Variants in GPD2 observed in about 807,000 individuals in gnomAD.
GPD2 encodes glycerol-3-phosphate dehydrogenase 2, also known as glycerol-3-phosphate dehydrogenase, mitochondrial.
A neutral mutation model predicts 82.4 loss-of-function variants in GPD2; 54 were observed. The observed-to-expected ratio is 0.66, with a 90% CI of 0.53 to 0.82. GPD2 has a LOEUF of 0.82. GPD2 is among the 40% of genes least tolerant of loss of function. The probability of loss-of-function intolerance (pLI) is 0.00; values close to 1 mark genes in which losing one functional copy is unlikely to be tolerated. For synonymous variants in GPD2, 288 were observed against 306.1 expected (o/e 0.94, Z 0.62); for missense variants, 748 against 896.2 (o/e 0.83, Z 2.11).
At chr2:156,456,552 C>T (rs939657605) in intron 1 of GPD2, among the ~76,000 whole-genome samples, 3 of 151,660 alleles carry the variant, frequency 2.0e-5, no homozygotes, top group Non-Finnish European at 4.4e-5. Context: ...GCAGAGATCA[C>T]ACCACTGCGC....
At chr2:156,463,416 A>G (rs6728547) in intron 1 of GPD2, among the ~76,000 whole-genome samples, 2,999 of 152,312 alleles carry the variant, frequency 0.02, 90 homozygotes, top group African/African-American at 0.067. Flanking sequence ...AAAACCATGA[A>G]TGCAAGTTTT....
At chr2:156,568,718 G>T (rs1027460180) in intron 9 of GPD2, 107 bp from the exon 10 acceptor site, 65 of 921,220 alleles carry the variant, frequency 7.1e-5, no homozygotes, top group Non-Finnish European at 1.1e-4. Context: ...TTTTTAAAGT[G>T]CACACATGTG....
At chr2:156,527,204 AT>A (rs1437677823) in intron 6 of GPD2, among the ~76,000 whole-genome samples, 3 of 152,140 alleles carry the variant, frequency 2.0e-5, no homozygotes, top group African/African-American at 7.2e-5. Flanking sequence ...TATCTCTTCA[AT>A]TAAAAAGCCC....
In GPD2 at chr2:156,557,966, C is replaced by T. The variant is rs1003487334; in HGVS notation, c.1165+384C>T. 1.4e-4 allele frequency among the ~76,000 whole-genome samples: 22 copies of T among 152,086 alleles called. 1 individual carries two copies. Among genetic ancestry groups the T allele is most frequent in the Admixed American group, 1.3e-3 (20 of 15,264 alleles). On this transcript the variant is annotated intron_variant, in intron 9 of 16. Coordinates refer to ENST00000438166, the MANE Select transcript of GPD2 (RefSeq NM_000408.5). ...AATAGGAAATAATTAAGCAAATAAA[C>T]GAGAGGCTGGAACTGTATTTGTAAG...
chr2:156,441,681 A>C lies in GPD2; in HGVS notation c.-9+5168A>C, dbSNP rs544285831. Among the ~76,000 whole-genome samples the C allele has an allele frequency of 3.0e-4, 46 of 152,328 alleles. 1 individual carries two copies. In the South Asian group the frequency reaches 9.5e-3, roughly 32 times the overall value. On this transcript the variant is annotated intron_variant, in intron 1 of 16. Coordinates refer to ENST00000438166, the MANE Select transcript of GPD2 (RefSeq NM_000408.5). ...AGCTAAGTCTAACAGAAGTGTGGAT[A>C]TCCCGGGGCCCACTATTTTTGACTG...
At chr2:156,562,138 CAG>C (rs1687198154) in intron 9 of GPD2, among the ~76,000 whole-genome samples, 1 of 152,192 alleles carries the variant, frequency 6.6e-6, no homozygotes, top group Non-Finnish European at 1.5e-5. Flanking sequence ...TTGAGAGAGA[CAG>C]AAGATTTGCT....
chr2:156,491,513 T>C (rs762669359), intron 2 of GPD2, among the ~76,000 whole-genome samples: 3 of 152,254 alleles, frequency 2.0e-5, no homozygotes, highest in Non-Finnish European at 4.4e-5. Flanking sequence ...GCTTGTTCTC[T>C]TTTATTTCCG....
At position 156,570,144 on chromosome 2, in the gene GPD2, G is replaced by C; in HGVS notation, c.1534G>C (p.Ala512Pro). The change falls in exon 12 of 17, where the codon GCA becomes CCA. Residue 512 changes from alanine to proline, a missense_variant. Ala to Pro is a conservative substitution (Grantham distance 27). Around this residue, in one of 3 missense-constraint regions of GPD2, gnomAD observed 692 missense variants for 809.7 expected, o/e 0.85. Coordinates refer to ENST00000438166, the MANE Select transcript of GPD2 (RefSeq NM_000408.5). Reference protein sequence around the residue: ...GDKAFEVAKMASVTGKRWPIV... With the variant: ...GDKAFEVAKMPSVTGKRWPIV... ...TAAGGCCTTTGAGGTGGCCAAAATGGCAAGTGTGACTGGCAAAAGGTGGCC... is the reference window on the plus strand; with the variant it reads ...TAAGGCCTTTGAGGTGGCCAAAATGCCAAGTGTGACTGGCAAAAGGTGGCC... The C allele has an allele frequency of 1.2e-6, 2 of 1,612,452 alleles. No individual in the cohort carries two copies. Among genetic ancestry groups the C allele is most frequent in the South Asian group, 2.2e-5 (2 of 91,034 alleles).
chr2:156,416,666 T>C, the GPD2 span, among the ~76,000 whole-genome samples: 1 of 152,080 alleles, frequency 6.6e-6, no homozygotes, highest in Non-Finnish European at 1.5e-5. Context: ...ACCTTTTAAA[T>C]ATTTCATTTA....
At chr2:156,433,581 T>A (rs952604270), upstream of GPD2, among the ~76,000 whole-genome samples, 3 of 152,144 alleles carry the variant, frequency 2.0e-5, no homozygotes, top group Admixed American at 6.5e-5. Flanking sequence ...CTGATTTGAG[T>A]AATAATAAAA....
the GPD2 span, among the ~76,000 whole-genome samples, chr2:156,403,289 C>T: frequency 1.1e-3 from 174 of 152,094 alleles, no homozygotes; most frequent in Non-Finnish European, 2.0e-3. Context: ...TCTCATTTTT[C>T]GTTCCAAATT....
At chr2:156,419,720 T>G in the GPD2 span, among the ~76,000 whole-genome samples, 1 of 152,250 alleles carries the variant, frequency 6.6e-6, no homozygotes, top group East Asian at 1.9e-4. Flanking sequence ...TAGAGGAGAT[T>G]GGTCTTCTAC....
the GPD2 span, among the ~76,000 whole-genome samples, chr2:156,414,909 A>G: frequency 6.6e-6 from 1 of 152,174 alleles, no homozygotes; most frequent in Non-Finnish European, 1.5e-5. Context: ...AAAATGTCAT[A>G]TAATATCTAA....
intron 2 of GPD2, among the ~76,000 whole-genome samples, chr2:156,484,145 T>G (rs1683842983): frequency 6.6e-6 from 1 of 151,776 alleles, no homozygotes; most frequent in African/African-American, 2.4e-5. Flanking sequence ...CTCCCCGACT[T>G]TTTTTTTGAG....
At chr2:156,489,687 T>TCTTCCTTCCTTC (rs143845551) in intron 2 of GPD2, among the ~76,000 whole-genome samples, 31 of 109,180 alleles carry the variant, frequency 2.8e-4, no homozygotes, top group African/African-American at 1.2e-3. Flanking sequence ...TTTCCTTCCT[T>TCTTCCTTCCTTC]CTTCCTTCCT....
At chr2:156,567,079 A>G (rs181918268) in intron 9 of GPD2, among the ~76,000 whole-genome samples, 51 of 151,950 alleles carry the variant, frequency 3.4e-4, no homozygotes, top group African/African-American at 1.2e-3. Context: ...TTGTTGTTGC[A>G]TTTTAGGAAT....
intron 6 of GPD2, among the ~76,000 whole-genome samples, chr2:156,546,785 A>C (rs1337150987): frequency 6.6e-6 from 1 of 152,156 alleles, no homozygotes; most frequent in African/African-American, 2.4e-5. Context: ...TATAGGGCCT[A>C]GTTTGGGGTT....
At chr2:156,496,405 C>T (rs1298828079) in intron 3 of GPD2, among the ~76,000 whole-genome samples, 190 bp downstream of exon 3, 3 of 152,130 alleles carry the variant, frequency 2.0e-5, no homozygotes, top group East Asian at 1.9e-4. Context: ...ACCCCAAAGG[C>T]CCCAGTGTGT....
intron 6 of GPD2, among the ~76,000 whole-genome samples, chr2:156,519,464 A>T (rs576486228): frequency 6.6e-6 from 1 of 152,230 alleles, no homozygotes; most frequent in African/African-American, 2.4e-5. Flanking sequence ...TTTAAAGAAA[A>T]TTTTCATCTT....
Sources: gnomAD v4.1 joint callset for allele counts (sites outside exome capture counted in the v4.1 genomes callset) on GRCh38, gnomAD v4.1.1 for gene constraint, gnomAD v4.1.1 regional missense constraint, MANE v1.5 for transcripts, NCBI Gene and HGNC (gene_info 2026-07-23, HGNC 2026-07-21) for gene names.